Variants in ANK1 observed in about 807,000 individuals in gnomAD.
ANK1 encodes the protein ankyrin 1, also known as ankyrin-1.
Under a neutral mutation model 210.4 loss-of-function variants are expected in ANK1, and 51 were observed. The ratio of observed to expected loss-of-function variants is 0.24; its 90% CI spans 0.19 to 0.31. The LOEUF (loss-of-function observed/expected upper bound fraction) is 0.31, where lower values mean the gene tolerates loss of function less well. Ranked by LOEUF, ANK1 falls within the 10% of genes least tolerant of loss-of-function variation. The pLI is 1.00. For missense variants in ANK1, 2,051 were observed against 2,504.4 expected (o/e 0.82, Z 3.86); for synonymous variants, 967 against 1,025.9 (o/e 0.94, Z 1.10).
chr8:41,728,304 T>A (rs1415066034), intron 3 of ANK1, among the ~76,000 whole-genome samples: 1 of 152,204 alleles, frequency 6.6e-6, no homozygotes, highest in African/African-American at 2.4e-5. Context: ...GTAACTTACA[T>A]GAAGCAACTC....
chr8:41,740,144 T>A (rs187896019), intron 2 of ANK1, among the ~76,000 whole-genome samples: 6 of 142,564 alleles, frequency 4.2e-5, no homozygotes, highest in Admixed American at 7.5e-5. Context: ...CTGCTTGTTT[T>A]TTTTGTGTTT....
At chr8:41,850,645 T>C (rs968856300) in intron 1 of ANK1, among the ~76,000 whole-genome samples, 4 of 152,092 alleles carry the variant, frequency 2.6e-5, no homozygotes, top group African/African-American at 9.7e-5. Context: ...CACACCCAGA[T>C]AATTTTTTAT....
chr8:41,724,679 G>T, intron 6 of ANK1, 125 bp from the exon 7 acceptor site: 1 of 880,922 alleles, frequency 1.1e-6, no homozygotes, highest in Non-Finnish European at 1.8e-6. Flanking sequence ...ATTTTGATGG[G>T]TGGGAACATT....
rs761326301 is a variant in ANK1, at chr8:41,665,017, T to C, written c.5395-1275A>G. Reference sequence around the variant, plus strand: ...GTGACCAACAGCTGGGTGACGAAAGTCCACATCCTCGCCTCCTCACCAGCC... The same window carrying C: ...GTGACCAACAGCTGGGTGACGAAAGCCCACATCCTCGCCTCCTCACCAGCC... On this transcript the variant is annotated intron_variant, in intron 39 of 42. Transcript: ENST00000289734. 1.9e-6 allele frequency: 3 copies of C among 1,613,496 alleles called. No homozygotes were observed. The South Asian group carries it at 3.3e-5, about 18-fold the overall frequency.
chr8:41,854,553 G>A (rs971258021), intron 1 of ANK1, among the ~76,000 whole-genome samples: 2 of 152,178 alleles, frequency 1.3e-5, no homozygotes, highest in South Asian at 2.1e-4. Flanking sequence ...GGTGAGTGGT[G>A]GTGAAAAGGG....
In ANK1 at chr8:41,797,531, T is replaced by C. The variant is rs755583476; in HGVS notation, c.8A>G (p.Tyr3Cys). 1 of 1,613,580 alleles carries C rather than the reference T, an allele frequency of 6.2e-7. No individual in the cohort carries two copies. The highest frequency in any genetic ancestry group is 1.1e-5 in the South Asian group (1 of 91,040). The change falls in exon 1 of 43, where the codon TAT (tyrosine) becomes TGT (cysteine). Residue 3 changes from tyrosine (Y) to cysteine (C), a missense_variant. Physicochemically the swap from Tyr to Cys is radical, Grantham distance 194. Coordinates refer to ENST00000289734, the MANE Select transcript of ANK1 (RefSeq NM_000037.4). This position sits in a 1 kb window ranked among gnomAD's most constrained non-coding sequence, Gnocchi z 4.0. MP[Y>C]SVGFREADAA... Reference sequence around the variant, plus strand: ...ACTCACTTCGCGGAAGCCCACAGAATAGGGCATGCCGGTCTTTCAGCAGGG... The same window carrying C: ...ACTCACTTCGCGGAAGCCCACAGAACAGGGCATGCCGGTCTTTCAGCAGGG...
At chr8:41,699,619 T>C in intron 22 of ANK1, 71 bp from the exon 23 acceptor site, 1 of 1,442,206 alleles carries the variant, frequency 6.9e-7, no homozygotes, top group East Asian at 2.3e-5. Flanking sequence ...AAAAAAGCTC[T>C]GTTCCCGCTC....
In ANK1 at chr8:41,715,676, T is replaced by C. The variant is rs779446344; in HGVS notation, c.1578A>G (p.Glu526=). The C allele has an allele frequency of 8.7e-6, 14 of 1,613,800 alleles. No homozygotes were observed. Among genetic ancestry groups the C allele is most frequent in the Non-Finnish European group, 9.3e-6 (11 of 1,179,990 alleles). The change falls in exon 14 of 43, where the codon GAA becomes GAG. Residue 526 remains glutamate, a synonymous_variant. Coordinates refer to ENST00000289734, the MANE Select transcript of ANK1 (RefSeq NM_000037.4). ...VETVLALLEK[E]ASQACMTKKG... The stretch of plus-strand genomic sequence containing the variant: ...CCTTGGTCATGCAGGCCTGGGATGC[T>C]TCCTTTTCCAGAAGGGCCAGGACTG...
chr8:41,863,966 C>A (rs186616833), intron 1 of ANK1, among the ~76,000 whole-genome samples: 2 of 152,062 alleles, frequency 1.3e-5, no homozygotes, highest in East Asian at 1.9e-4. Flanking sequence ...TACCACTGGC[C>A]GGGCATGGTG....
rs535999839 is a variant in ANK1, at chr8:41,747,764, G to A, written c.129+10272C>T. Among the ~76,000 whole-genome samples the A allele has an allele frequency of 1.2e-4, 19 of 152,208 alleles. No homozygotes were observed. In the East Asian group the frequency reaches 2.3e-3, roughly 19 times the overall value. Reference sequence around the variant, plus strand: ...GTGTGTGTTCCTTGCACTACATTCCGGATCGTTCCTGAAGGTGCTAGTCAC... The same window carrying A: ...GTGTGTGTTCCTTGCACTACATTCCAGATCGTTCCTGAAGGTGCTAGTCAC... On this transcript the variant is annotated intron_variant, in intron 2 of 42. Transcript: ENST00000289734.
At position 41,733,963 on chromosome 8, in the gene ANK1, A is replaced by C. The variant is rs1177901640; in HGVS notation, c.228+8T>G. The C allele has an allele frequency of 6.2e-7, 1 of 1,613,322 alleles. No homozygotes were observed. The highest frequency in any genetic ancestry group is 1.7e-5 in the Admixed American group (1 of 60,032). The stretch of plus-strand genomic sequence containing the variant: ...ATGCAAAGCTCCCCCACTCCCTGTG[A>C]GACATACCTTGGTTGTCGTTTCTAG... On this transcript the variant is annotated splice_region_variant and intron_variant, in intron 3 of 42. Coordinates refer to ENST00000289734, the MANE Select transcript of ANK1 (RefSeq NM_000037.4).
In ANK1 at chr8:41,704,603, A is replaced by G; in HGVS notation, c.2098-131T>C. 1 of 803,254 alleles carries G rather than the reference A, an allele frequency of 1.2e-6. No homozygotes were observed. Among genetic ancestry groups the G allele is most frequent in the Non-Finnish European group, 2.1e-6 (1 of 471,170 alleles). The allele number at this position is 803,254 out of a possible 1,614,324, so 49.8% of individuals were successfully genotyped here. A position where few individuals can be genotyped will look rare whatever the true frequency, so the allele number is the denominator to read the frequency against. On this transcript the variant is annotated intron_variant, in intron 18 of 42. Coordinates refer to ENST00000289734, the MANE Select transcript of ANK1 (RefSeq NM_000037.4). This position sits in a 1 kb window ranked among gnomAD's most constrained non-coding sequence, Gnocchi z 4.1. The stretch of plus-strand genomic sequence containing the variant: ...TTGAAGGCTGACATTGACAAGCTGA[A>G]TGGCTGCTGCTGGGCAGAGACCACC...
At chr8:41,834,454 T>C (rs1053297717) in intron 1 of ANK1, among the ~76,000 whole-genome samples, 2 of 152,204 alleles carry the variant, frequency 1.3e-5, no homozygotes, top group Non-Finnish European at 2.9e-5. Flanking sequence ...AACCCCTGGC[T>C]CATGCCGAAG....
At chr8:41,756,692 C>G (rs1448377702) in intron 2 of ANK1, among the ~76,000 whole-genome samples, 2 of 152,254 alleles carry the variant, frequency 1.3e-5, no homozygotes, top group African/African-American at 4.8e-5. Flanking sequence ...ATCCGCCCAC[C>G]TCAGCCTCCT....
chr8:41,716,416 C>T (rs1268867399), intron 13 of ANK1, among the ~76,000 whole-genome samples: 1 of 152,096 alleles, frequency 6.6e-6, no homozygotes, highest in African/African-American at 2.4e-5. Flanking sequence ...TCATGGGGCC[C>T]AGCTGGAGGC....
intron 1 of ANK1, among the ~76,000 whole-genome samples, chr8:41,878,456 G>C (rs1326420650): frequency 3.9e-5 from 6 of 152,206 alleles, no homozygotes; most frequent in African/African-American, 1.4e-4. Context: ...GACAGGTTCA[G>C]GGGGAGCTGT....
chr8:41,859,246 G>A (rs990591305), intron 1 of ANK1, among the ~76,000 whole-genome samples: 5 of 152,256 alleles, frequency 3.3e-5, no homozygotes, highest in South Asian at 2.1e-4. Context: ...TGGGGCCAAC[G>A]GCACCTACGG....
At chr8:41,780,793 C>CGT (rs1328367994) in intron 1 of ANK1, among the ~76,000 whole-genome samples, 1 of 152,048 alleles carries the variant, frequency 6.6e-6, no homozygotes, top group South Asian at 2.1e-4. Flanking sequence ...TATATGTTCT[C>CGT]GTGTGTGTGT....
At chr8:41,676,135 T>G (rs1363874466) in intron 37 of ANK1, among the ~76,000 whole-genome samples, 2 of 152,226 alleles carry the variant, frequency 1.3e-5, no homozygotes, top group African/African-American at 4.8e-5. Flanking sequence ...ATGACTTGAT[T>G]GTACAGTAGG....
Sources: gnomAD v4.1 joint callset for allele counts (sites outside exome capture counted in the v4.1 genomes callset) on GRCh38, gnomAD v4.1.1 for gene constraint, Gnocchi (gnomAD v3.1) non-coding constraint, MANE v1.5 for transcripts, NCBI Gene and HGNC (gene_info 2026-07-23, HGNC 2026-07-21) for gene names.